The following ATCAY variants were observed in gnomAD, a reference collection of about 807,000 sequenced individuals.
ATCAY encodes caytaxin.
A neutral mutation model predicts 47.7 loss-of-function variants in ATCAY; 22 were observed. That is an observed-to-expected ratio of 0.46 (90% CI 0.33 to 0.66). The LOEUF (loss-of-function observed/expected upper bound fraction) is 0.66, where lower values mean the gene tolerates loss of function less well. Ranked by LOEUF, ATCAY falls within the 30% of genes least tolerant of loss-of-function variation. The pLI, the probability that ATCAY is intolerant of heterozygous loss-of-function variation, is 0.02. For synonymous variants in ATCAY, 216 were observed against 207.6 expected, an observed-to-expected ratio of 1.04 and a Z score of -0.35; for missense variants, 452 against 515.0, an observed-to-expected ratio of 0.88 and a Z score of 1.18.
At chr19:3,889,049 C>G (rs570825323) in intron 2 of ATCAY, among the ~76,000 whole-genome samples, 1 of 152,116 alleles carries the variant, frequency 6.6e-6, no homozygotes, top group Non-Finnish European at 1.5e-5. Context: ...GCGGGAGGAT[C>G]GCTTGAGCCC....
At chr19:3,900,047 TTGA>T (rs1396941030) in intron 2 of ATCAY, among the ~76,000 whole-genome samples, 1 of 152,186 alleles carries the variant, frequency 6.6e-6, no homozygotes, top group Non-Finnish European at 1.5e-5. Flanking sequence ...TTTGTCACAA[TTGA>T]TGAATCAATA....
chr19:3,913,396 C>T (rs2038939062), intron 8 of ATCAY, among the ~76,000 whole-genome samples: 1 of 152,092 alleles, frequency 6.6e-6, no homozygotes, highest in Non-Finnish European at 1.5e-5. Flanking sequence ...AGAAAGCATC[C>T]CTGGGAAAAA....
In ATCAY at chr19:3,887,474, T is replaced by A. The variant is rs561517419; in HGVS notation, c.77+1630T>A. On this transcript the variant is annotated intron_variant, in intron 2 of 12. Transcript: ENST00000450849. ...CTCTGTCTCTATTTTATTTTATTTT[T>A]TTTATTTTATTTATTTATTTATTTA... Among the ~76,000 whole-genome samples the A allele has an allele frequency of 8.0e-3, 1,206 of 150,596 alleles. 17 individuals carry two copies. The highest frequency in any genetic ancestry group is 0.027 in the African/African-American group (1,132 of 41,318).
chr19:3,912,699 G>A (rs2038933787), intron 8 of ATCAY, among the ~76,000 whole-genome samples: 1 of 151,344 alleles, frequency 6.6e-6, no homozygotes, highest in South Asian at 2.1e-4. Context: ...GGGCAACATA[G>A]CAAGACCTCC....
intron 2 of ATCAY, among the ~76,000 whole-genome samples, chr19:3,889,766 T>C (rs2038697290): frequency 6.6e-6 from 1 of 152,118 alleles, no homozygotes; most frequent in Non-Finnish European, 1.5e-5. Flanking sequence ...TTTTCTGATC[T>C]GTAAAATAGG....
chr19:3,903,529 C>A (rs1568447880), intron 3 of ATCAY, among the ~76,000 whole-genome samples: 3 of 151,740 alleles, frequency 2.0e-5, no homozygotes, highest in Non-Finnish European at 4.4e-5. Context: ...GAGGGCCAAA[C>A]AAAATTTTTT....
chr19:3,904,902 C>G (rs2038846848), intron 3 of ATCAY, among the ~76,000 whole-genome samples: 1 of 152,092 alleles, frequency 6.6e-6, no homozygotes, highest in Non-Finnish European at 1.5e-5. Context: ...CTCTGTCACC[C>G]AGGCTGGAGT....
chr19:3,904,878 G>A (rs2038846674), intron 3 of ATCAY, among the ~76,000 whole-genome samples: 1 of 136,620 alleles, frequency 7.3e-6, no homozygotes, highest in Non-Finnish European at 1.6e-5. Context: ...ATTTATTTTT[G>A]AGATAGAGTT....
At position 3,911,010 on chromosome 19, in the gene ATCAY, T is replaced by C. The variant is rs1384400463; in HGVS notation, c.866+121T>C. 6 of 1,068,758 alleles carry C rather than the reference T, an allele frequency of 5.6e-6. No homozygotes were observed. In the African/African-American group the frequency reaches 6.3e-5, roughly 11 times the overall value. 66.2% of individuals were successfully genotyped at this position (1,068,758 alleles called of 1,614,324 possible). The stretch of plus-strand genomic sequence containing the variant: ...GTGCGTGTGTGCATCTGTGTGTGTG[T>C]GCATCCATGTGTGTGTTTGATGTGC... On this transcript the variant is annotated intron_variant, in intron 8 of 12. Transcript: ENST00000450849.
chr19:3,908,328 G>T lies in ATCAY; in HGVS notation c.605G>T (p.Ser202Ile). 6.3e-7 allele frequency: 1 copy of T among 1,594,906 alleles called. No homozygotes were observed. The highest frequency in any genetic ancestry group is 8.5e-7 in the Non-Finnish European group (1 of 1,170,634). Residue 202 changes from serine to isoleucine, a missense_variant, in exon 6 of 13, where the codon AGC (serine) becomes ATC (isoleucine). Transcript: ENST00000450849. ...TTCGCAGCCTGCTTCCTTCCAGACAGCAGCCTCCCCGACTACCACTACATC... is the reference window on the plus strand; with the variant it reads ...TTCGCAGCCTGCTTCCTTCCAGACATCAGCCTCCCCGACTACCACTACATC... Reference protein sequence around the residue: ...IVFAACFLPDSSLPDYHYIME... With the variant: ...IVFAACFLPDISLPDYHYIME...
chr19:3,890,447 G>C (rs566223435), intron 2 of ATCAY, among the ~76,000 whole-genome samples: 1 of 151,162 alleles, frequency 6.6e-6, no homozygotes, highest in Non-Finnish European at 1.5e-5. Context: ...ATTTTTGGTA[G>C]AGACGGGGTT....
intron 1 of ATCAY, among the ~76,000 whole-genome samples, chr19:3,884,850 G>A (rs28374991): frequency 0.016 from 2,493 of 151,816 alleles, 61 homozygotes; most frequent in African/African-American, 0.057. Context: ...TAATCTCAGC[G>A]CTTAGAGAGG....
chr19:3,885,891 T>C (rs2038647280), intron 2 of ATCAY, 47 bp downstream of exon 2: 1 of 1,536,670 alleles, frequency 6.5e-7, no homozygotes, highest in African/African-American at 1.4e-5. Flanking sequence ...AGCAGGTGTC[T>C]CTCCCAGGTG....
rs1041050026 is a variant in ATCAY at position 3,918,400 on chromosome 19, T to A, written c.1002-406T>A. 2.3e-3 allele frequency among the ~76,000 whole-genome samples: 284 copies of A among 123,762 alleles called. 2 individuals are homozygous for A. Among genetic ancestry groups the A allele is most frequent in the African/African-American group, 8.1e-3 (259 of 32,074 alleles). The allele number at this position is 123,762 out of a possible 152,430, so 81.2% of individuals were successfully genotyped here. ...ACTCTGTCTCAAAAAAAAAAAAAAATAAATTAGCCAGGTGTGGTGGCATGC... is the reference window on the plus strand; with the variant it reads ...ACTCTGTCTCAAAAAAAAAAAAAAAAAAATTAGCCAGGTGTGGTGGCATGC... On this transcript the variant is annotated intron_variant, in intron 10 of 12. Coordinates refer to ENST00000450849, the MANE Select transcript of ATCAY (RefSeq NM_033064.5).
chr19:3,881,875 C>CCG (rs1555765217), intron 1 of ATCAY, among the ~76,000 whole-genome samples: 5 of 146,010 alleles, frequency 3.4e-5, no homozygotes, highest in African/African-American at 1.3e-4. Context: ...CGCCCCCCCC[C>CCG]CGACCCCATA....
intron 9 of ATCAY, among the ~76,000 whole-genome samples, chr19:3,914,333 CAGAGA>C (rs1345523123): frequency 2.0e-5 from 3 of 151,542 alleles, no homozygotes; most frequent in African/African-American, 7.3e-5. Flanking sequence ...CCCATGGCGG[CAGAGA>C]AGAGAAGGAA....
At chr19:3,900,190 TTC>T (rs1476444068) in intron 2 of ATCAY, among the ~76,000 whole-genome samples, 1 of 149,234 alleles carries the variant, frequency 6.7e-6, no homozygotes, top group African/African-American at 2.4e-5. Context: ...TTTTTTTCTT[TTC>T]TCTCTTTTTT....
At position 3,903,375 on chromosome 19, in the gene ATCAY, G is replaced by A. The variant is rs577622015; in HGVS notation, c.136+830G>A. On this transcript the variant is annotated intron_variant, in intron 3 of 12. Coordinates refer to ENST00000450849, the MANE Select transcript of ATCAY (RefSeq NM_033064.5). ...GGGCGGCCAGAGGAGAGTTTTAGCC[G>A]TAACCTGGCGATTGCAACGTGCCTC... Among the ~76,000 whole-genome samples, 186 of 152,270 alleles carry A rather than the reference G, an allele frequency of 1.2e-3. 1 individual carries two copies. The highest frequency in any genetic ancestry group is 4.3e-3 in the African/African-American group (180 of 41,568).
At position 3,907,004 on chromosome 19, in the gene ATCAY, GGCGTGCGTAGTCCCA is replaced by G. The variant is rs2038866616; in HGVS notation, c.359-727_359-713del. Among the ~76,000 whole-genome samples the G allele has an allele frequency of 6.6e-6, 1 of 151,736 alleles. No homozygotes were observed. ...AATACAGAAATTAGCCGGGCATGGT[GGCGTGCGTAGTCCCA>G]GCTACTCGGGAGGCTGAGGCAGGAG... is the stretch of plus-strand genomic sequence containing the variant. On this transcript the variant is annotated intron_variant, in intron 4 of 12. Transcript: ENST00000450849. The surrounding 1 kb of genome is among the most constrained non-coding windows in gnomAD (Gnocchi z 5.1).
Sources: allele counts gnomAD v4.1 joint callset (sites outside exome capture counted in the v4.1 genomes callset), GRCh38; gene constraint gnomAD v4.1.1; non-coding constraint Gnocchi (gnomAD v3.1); transcripts MANE v1.5; gene names NCBI Gene and HGNC (gene_info 2026-07-23, HGNC 2026-07-21).